CSMD1: variants seen among roughly 807,000 people sequenced by gnomAD.
The protein encoded by CSMD1 is CUB and Sushi multiple domains 1.
Under a neutral mutation model 417.5 loss-of-function variants are expected in CSMD1, and 213 were observed. The observed-to-expected ratio is 0.51, with a 90% CI of 0.46 to 0.57. CSMD1 has a LOEUF of 0.57. Ranked by LOEUF, CSMD1 falls within the 20% of genes least tolerant of loss-of-function variation. The probability of loss-of-function intolerance (pLI) is 0.00; values close to 1 mark genes in which losing one functional copy is unlikely to be tolerated. For synonymous variants in CSMD1, 2,862 were observed against 1,736.8 expected (o/e 1.65, Z -16.11); for missense variants, 6,923 against 4,529.7 (o/e 1.53, Z -15.17).
intron 6 of CSMD1, among the ~76,000 whole-genome samples, chr8:3,750,158 T>G (rs1317040768): frequency 1.3e-5 from 2 of 152,176 alleles, no homozygotes; most frequent in Non-Finnish European, 2.9e-5. Flanking sequence ...GAATTCCAGA[T>G]AATCTGCAAT....
At chr8:3,695,242 G>A (rs552949213) in intron 7 of CSMD1, among the ~76,000 whole-genome samples, 1 of 152,158 alleles carries the variant, frequency 6.6e-6, no homozygotes, top group Admixed American at 6.6e-5. Context: ...GAAGACTTTG[G>A]AACATGGGCA....
chr8:3,307,558 T>A (rs1442648004), intron 25 of CSMD1, 137 bp downstream of exon 25: 2 of 1,057,046 alleles, frequency 1.9e-6, no homozygotes, highest in Admixed American at 4.9e-5. Context: ...CCAACAAAAC[T>A]TTTAGCTACA....
intron 2 of CSMD1, among the ~76,000 whole-genome samples, chr8:4,428,731 A>G (rs1359374760): frequency 6.6e-6 from 1 of 152,044 alleles, no homozygotes; most frequent in South Asian, 2.1e-4. Context: ...TTATTTATTT[A>G]TTTATTGAGA....
chr8:4,823,909 G>C lies in CSMD1; in HGVS notation c.85+170423C>G, dbSNP rs188826977. On this transcript the variant is annotated intron_variant, in intron 1 of 69. Transcript: ENST00000635120. ...TGAGAGAGAAATACTCTTAACAAGA[G>C]AAGAAAGAGGAAAGAGCATTCTAAC... 1.4e-3 allele frequency among the ~76,000 whole-genome samples: 216 copies of C among 152,072 alleles called. 2 individuals are homozygous for C. The highest frequency in any genetic ancestry group is 5.1e-3 in the African/African-American group (212 of 41,502).
At chr8:3,149,819 G>C (rs954680040) in intron 40 of CSMD1, among the ~76,000 whole-genome samples, 1 of 152,152 alleles carries the variant, frequency 6.6e-6, no homozygotes, top group African/African-American at 2.4e-5. Context: ...TGGAGCCCCT[G>C]TGCCTTAACT....
At chr8:4,202,537 T>C (rs1367556653) in intron 3 of CSMD1, among the ~76,000 whole-genome samples, 1 of 152,198 alleles carries the variant, frequency 6.6e-6, no homozygotes, top group Admixed American at 6.5e-5. Flanking sequence ...AAAACTCTAT[T>C]TGTCAGGACA....
At position 4,919,888 on chromosome 8, in the gene CSMD1, T is replaced by G. The variant is rs952471909; in HGVS notation, c.85+74444A>C. On this transcript the variant is annotated intron_variant, in intron 1 of 69. Transcript: ENST00000635120. ...GAGAGCATTCCTTCCCTCCAGAGGG[T>G]GCAGCAACAAGGTATTCTCTTGGAA... Among the ~76,000 whole-genome samples, 7 of 152,132 alleles carry G rather than the reference T, an allele frequency of 4.6e-5. No homozygotes were observed. In the South Asian group the frequency reaches 1.5e-3, roughly 32 times the overall value.
At chr8:4,660,867 C>T (rs1240669792) in intron 1 of CSMD1, among the ~76,000 whole-genome samples, 1 of 152,080 alleles carries the variant, frequency 6.6e-6, no homozygotes, top group African/African-American at 2.4e-5. Context: ...TTAAAAGGTA[C>T]TCAACAACAT....
chr8:4,090,905 G>A (rs1169830796), intron 3 of CSMD1, among the ~76,000 whole-genome samples: 1 of 151,232 alleles, frequency 6.6e-6, no homozygotes, highest in East Asian at 1.9e-4. Context: ...TAACATAAGG[G>A]GCAGTCTTTT....
At position 3,504,360 on chromosome 8, in the gene CSMD1, C is replaced by T. The variant is rs559928489; in HGVS notation, c.1345-10634G>A. Among the ~76,000 whole-genome samples the T allele has an allele frequency of 1.4e-4, 22 of 152,292 alleles. 1 individual carries two copies. Among genetic ancestry groups the T allele is most frequent in the South Asian group, 8.3e-4 (4 of 4,820 alleles). Reference sequence around the variant, plus strand: ...TTGAAAGAATTGTTTAACCTTTCTTCTGTCTTATCCGTAAAATGAGAATGA... The same window carrying T: ...TTGAAAGAATTGTTTAACCTTTCTTTTGTCTTATCCGTAAAATGAGAATGA... On this transcript the variant is annotated intron_variant, in intron 10 of 69. Coordinates refer to ENST00000635120, the MANE Select transcript of CSMD1 (RefSeq NM_033225.6).
intron 52 of CSMD1, among the ~76,000 whole-genome samples, chr8:3,003,195 T>C (rs916410979): frequency 3.9e-5 from 6 of 152,318 alleles, no homozygotes; most frequent in African/African-American, 1.4e-4. Flanking sequence ...CTTAATGATA[T>C]TGTGTCAATA....
intron 1 of CSMD1, among the ~76,000 whole-genome samples, chr8:4,723,769 G>C (rs1277470194): frequency 7.8e-6 from 1 of 127,854 alleles, no homozygotes; most frequent in Non-Finnish European, 1.6e-5. Context: ...AAATGTAAAT[G>C]CAATATGCTT....
intron 1 of CSMD1, among the ~76,000 whole-genome samples, chr8:4,691,170 G>T (rs1037628288): frequency 6.6e-6 from 1 of 152,224 alleles, no homozygotes; most frequent in African/African-American, 2.4e-5. Flanking sequence ...AGGAATCAAA[G>T]AATGTTACCC....
intron 5 of CSMD1, among the ~76,000 whole-genome samples, chr8:3,989,383 T>C (rs957180239): frequency 1.3e-5 from 2 of 152,088 alleles, no homozygotes; most frequent in Non-Finnish European, 2.9e-5. Context: ...AGAAAGGTAA[T>C]GAAAAAACGA....
chr8:3,344,898 C>T (rs1272281483), intron 22 of CSMD1, among the ~76,000 whole-genome samples: 1 of 152,184 alleles, frequency 6.6e-6, no homozygotes, highest in Non-Finnish European at 1.5e-5. Flanking sequence ...AATCTCCTTA[C>T]TAAAAGACTA....
intron 51 of CSMD1, among the ~76,000 whole-genome samples, chr8:3,022,276 GAGCATCCGGAATGCACCCGCAATCCCAC>G (rs1251030315): frequency 2.3e-4 from 7 of 30,532 alleles, no homozygotes; most frequent in East Asian, 2.0e-3. Context: ...CCCACATCCA[GAGCATCCGGAATGCACCCGCAATCCCAC>G]AGCATCCGGA....
chr8:4,167,809 C>G lies in CSMD1; in HGVS notation c.416-135710G>C, dbSNP rs183037650. The stretch of plus-strand genomic sequence containing the variant: ...GTTTGAGACTAGCCTGGGCAACATA[C>G]TCAGACTCCATCTCTACCAAGAATT... On this transcript the variant is annotated intron_variant, in intron 3 of 69. Transcript: ENST00000635120. Among the ~76,000 whole-genome samples the G allele has an allele frequency of 1.0e-3, 156 of 152,136 alleles. 1 individual carries two copies. The highest frequency in any genetic ancestry group is 3.6e-3 in the African/African-American group (150 of 41,512).
At chr8:4,684,904 T>A (rs1271306849) in intron 1 of CSMD1, among the ~76,000 whole-genome samples, 1 of 152,228 alleles carries the variant, frequency 6.6e-6, no homozygotes, top group Non-Finnish European at 1.5e-5. Context: ...TCAACAAAAC[T>A]GTAAAATTCA....
At chr8:3,869,192 T>C (rs768541033) in intron 5 of CSMD1, among the ~76,000 whole-genome samples, 4 of 152,172 alleles carry the variant, frequency 2.6e-5, no homozygotes, top group Non-Finnish European at 5.9e-5. Context: ...CTGAGGCTTC[T>C]GCACTAGGCC....
Sources: gnomAD v4.1 joint callset for allele counts (sites outside exome capture counted in the v4.1 genomes callset) on GRCh38, gnomAD v4.1.1 for gene constraint, MANE v1.5 for transcripts, NCBI Gene and HGNC (gene_info 2026-07-23, HGNC 2026-07-21) for gene names.